Variants in SHROOM3 observed in about 807,000 individuals in gnomAD.
SHROOM3 encodes shroom family member 3, also known as protein Shroom3.
SHROOM3 carries 47 observed loss-of-function variants against 138.6 expected under a neutral mutation model. The ratio of observed to expected loss-of-function variants is 0.34; its 90% CI spans 0.27 to 0.43. The LOEUF (loss-of-function observed/expected upper bound fraction) is 0.43. SHROOM3 is among the 20% of genes least tolerant of loss of function. SHROOM3 has a pLI of 1.00. For missense variants in SHROOM3, 2,491 were observed against 2,596.5 expected, an observed-to-expected ratio of 0.96 and a Z score of 0.88; for synonymous variants, 1,062 against 1,063.3, an observed-to-expected ratio of 1.00 and a Z score of 0.02.
intron 1 of SHROOM3, among the ~76,000 whole-genome samples, chr4:76,471,841 C>A (rs1731381547): frequency 6.6e-6 from 1 of 152,084 alleles, no homozygotes; most frequent in Non-Finnish European, 1.5e-5. Flanking sequence ...GATGTAAGAG[C>A]AGCTCTCAGT....
intron 8 of SHROOM3, among the ~76,000 whole-genome samples, chr4:76,759,021 C>T (rs1280019946): frequency 1.3e-5 from 2 of 152,068 alleles, no homozygotes; most frequent in Non-Finnish European, 2.9e-5. Context: ...GCAGATTTCC[C>T]AGGATTATAT....
chr4:76,737,838 ATTGTTG>A, intron 4 of SHROOM3, among the ~76,000 whole-genome samples: 1 of 152,104 alleles, frequency 6.6e-6, no homozygotes, highest in East Asian at 1.9e-4. Flanking sequence ...TTGTTTTCTT[ATTGTTG>A]AGTTTTAAGT....
At chr4:76,550,363 G>A (rs1218399421) in intron 1 of SHROOM3, among the ~76,000 whole-genome samples, 1 of 152,162 alleles carries the variant, frequency 6.6e-6, no homozygotes, top group Non-Finnish European at 1.5e-5. Flanking sequence ...AGAGCAGATA[G>A]GGCATGGTCA....
At chr4:76,769,423 T>C (rs1722276209) in intron 9 of SHROOM3, among the ~76,000 whole-genome samples, 1 of 152,132 alleles carries the variant, frequency 6.6e-6, no homozygotes, top group Non-Finnish European at 1.5e-5. Context: ...AAAGACTAAT[T>C]ACAAAAACCG....
chr4:76,603,803 A>C (rs1734558870), intron 2 of SHROOM3, among the ~76,000 whole-genome samples: 1 of 138,308 alleles, frequency 7.2e-6, no homozygotes, highest in East Asian at 2.1e-4. Context: ...TCATTGTTCA[A>C]CTCCCCTTAT....
intron 2 of SHROOM3, among the ~76,000 whole-genome samples, chr4:76,564,100 G>A (rs1445578081): frequency 2.0e-5 from 3 of 152,142 alleles, no homozygotes; most frequent in Non-Finnish European, 2.9e-5. Flanking sequence ...ACCCTCCCAT[G>A]CCCCGCTCTG....
chr4:76,679,676 A>T (rs1292648438), intron 2 of SHROOM3, among the ~76,000 whole-genome samples: 3 of 152,206 alleles, frequency 2.0e-5, no homozygotes, highest in African/African-American at 7.2e-5. Flanking sequence ...ACTTGTCTCA[A>T]CAGAAAATAA....
chr4:76,522,441 G>A lies in SHROOM3; in HGVS notation c.169-33168G>A, dbSNP rs894586605. On this transcript the variant is annotated intron_variant, in intron 1 of 10. Transcript: ENST00000296043. ...TTACTTTTAAATGGTTCTGTTGGCC[G>A]GAACAGTGCCTAGGGCACTGTTCTC... Among the ~76,000 whole-genome samples the A allele has an allele frequency of 1.1e-4, 16 of 151,884 alleles. No homozygotes were observed. The South Asian group carries it at 2.5e-3, about 24-fold the overall frequency.
chr4:76,767,950 C>T (rs957273021), intron 9 of SHROOM3, among the ~76,000 whole-genome samples: 3 of 152,134 alleles, frequency 2.0e-5, no homozygotes, highest in African/African-American at 7.2e-5. Context: ...TTGAAATGGA[C>T]GCCTGAAATT....
intron 2 of SHROOM3, among the ~76,000 whole-genome samples, chr4:76,598,177 C>T (rs1734429025): frequency 1.3e-5 from 2 of 152,072 alleles, no homozygotes; most frequent in African/African-American, 4.8e-5. Flanking sequence ...CAGGCGCCTG[C>T]CACCACGCCT....
intron 3 of SHROOM3, among the ~76,000 whole-genome samples, chr4:76,710,809 C>G (rs888709475): frequency 2.6e-5 from 4 of 152,078 alleles, no homozygotes; most frequent in African/African-American, 9.7e-5. Context: ...TGAGTGCTTC[C>G]CATGTGCTAG....
At chr4:76,632,165 A>G (rs562352779) in intron 2 of SHROOM3, among the ~76,000 whole-genome samples, 22 of 152,338 alleles carry the variant, frequency 1.4e-4, no homozygotes, top group African/African-American at 4.8e-4. Flanking sequence ...GACCAATCTG[A>G]CATCCGGGCA....
At chr4:76,456,296 T>C (rs1849215) in intron 1 of SHROOM3, among the ~76,000 whole-genome samples, 108,736 of 152,126 alleles carry the variant, frequency 0.71, 39,205 homozygotes, top group East Asian at 0.79. Flanking sequence ...TAAGCCACTG[T>C]GCCCAGCCCT....
At chr4:76,554,653 C>G (rs1733442131) in intron 1 of SHROOM3, among the ~76,000 whole-genome samples, 1 of 151,920 alleles carries the variant, frequency 6.6e-6, no homozygotes, top group African/African-American at 2.4e-5. Context: ...ATCTTCTGAC[C>G]CTGTGATCTG....
chr4:76,694,558 C>T (rs995297501), intron 2 of SHROOM3, among the ~76,000 whole-genome samples: 2 of 152,146 alleles, frequency 1.3e-5, no homozygotes, highest in African/African-American at 4.8e-5. Context: ...GTGGAAAGGT[C>T]AGAGACTGTG....
Position 76,740,067 on chromosome 4 carries a change from G to A in SHROOM3, c.1894G>A (p.Glu632Lys). The A allele has an allele frequency of 1.2e-6, 2 of 1,613,784 alleles. No homozygotes were observed. Among genetic ancestry groups the A allele is most frequent in the South Asian group, 2.2e-5 (2 of 91,090 alleles). Reference sequence around the variant, plus strand: ...AGAGCCCTGGGAGGGCGATTTCCAGGAAGACCACAATGCCAACCTCTGGAG... The same window carrying A: ...AGAGCCCTGGGAGGGCGATTTCCAGAAAGACCACAATGCCAACCTCTGGAG... ...LSEPWEGDFQ[E>K]DHNANLWRRL... The change falls in exon 5 of 11, where the codon GAA becomes AAA. Residue 632 changes from glutamate to lysine, a missense_variant. This residue lies in a region of SHROOM3 where 1,733 missense variants were observed against 1,661.6 expected (regional missense o/e 1.04). Coordinates refer to ENST00000296043, the MANE Select transcript of SHROOM3 (RefSeq NM_020859.4). The surrounding 1 kb of genome is among the most constrained non-coding windows in gnomAD (Gnocchi z 4.0).
At chr4:76,573,231 T>G (rs1577894017) in intron 2 of SHROOM3, among the ~76,000 whole-genome samples, 1 of 151,820 alleles carries the variant, frequency 6.6e-6, no homozygotes, top group South Asian at 2.1e-4. Flanking sequence ...AGATGTCCTA[T>G]TAAATTTGAA....
At chr4:76,637,829 A>G (rs1257632455) in intron 2 of SHROOM3, among the ~76,000 whole-genome samples, 1 of 152,186 alleles carries the variant, frequency 6.6e-6, no homozygotes, top group African/African-American at 2.4e-5. Flanking sequence ...CCAGTCTCTG[A>G]GTCAGGGCGA....
chr4:76,720,110 A>C (rs1720491379), intron 3 of SHROOM3, among the ~76,000 whole-genome samples: 1 of 149,508 alleles, frequency 6.7e-6, no homozygotes, highest in Non-Finnish European at 1.5e-5. Context: ...CACAGATATT[A>C]ATGAGGGAAT....
Sources: allele counts gnomAD v4.1 joint callset (sites outside exome capture counted in the v4.1 genomes callset), GRCh38; gene constraint gnomAD v4.1.1; regional missense constraint gnomAD v4.1.1; non-coding constraint Gnocchi (gnomAD v3.1); transcripts MANE v1.5; gene names NCBI Gene and HGNC (gene_info 2026-07-23, HGNC 2026-07-21).